Variants in GTF3C1 observed in about 807,000 individuals in gnomAD.
The protein encoded by GTF3C1 is general transcription factor 3C polypeptide 1.
GTF3C1 carries 57 observed loss-of-function variants against 226.7 expected under a neutral mutation model. The observed-to-expected ratio is 0.25, with a 90% CI of 0.20 to 0.31. GTF3C1 has a LOEUF of 0.31. Ranked by LOEUF, GTF3C1 falls within the 10% of genes least tolerant of loss-of-function variation. The probability of loss-of-function intolerance (pLI) is 1.00; values close to 1 mark genes in which losing one functional copy is unlikely to be tolerated. For missense variants in GTF3C1, 2,217 were observed against 2,776.1 expected, an observed-to-expected ratio of 0.80 and a Z score of 4.53; for synonymous variants, 1,090 against 1,084.8, an observed-to-expected ratio of 1.00 and a Z score of -0.09.
Position 27,493,321 on chromosome 16 carries a change from G to T in GTF3C1, c.2779-25C>A, listed in dbSNP as rs374660044. ...CCTGAAGAGGTGATGTGCAGGTTCAGCTCGCCCTGAGGGCCAGGGCGACCT... is the reference window on the plus strand; with the variant it reads ...CCTGAAGAGGTGATGTGCAGGTTCATCTCGCCCTGAGGGCCAGGGCGACCT... On this transcript the variant is annotated intron_variant, in intron 16 of 36. Coordinates refer to ENST00000356183, the MANE Select transcript of GTF3C1 (RefSeq NM_001520.4). The T allele has an allele frequency of 2.4e-5, 31 of 1,267,586 alleles. No homozygotes were observed. The African/African-American group carries it at 4.1e-4, about 17-fold the overall frequency. 78.5% of individuals were successfully genotyped at this position (1,267,586 alleles called of 1,614,324 possible).
intron 6 of GTF3C1, among the ~76,000 whole-genome samples, chr16:27,524,737 TTTAA>T (rs1180194112): frequency 6.6e-6 from 1 of 152,250 alleles, no homozygotes; most frequent in Non-Finnish European, 1.5e-5. Context: ...TTCTCTTTAC[TTTAA>T]ATATAAATTA....
At position 27,533,275 on chromosome 16, in the gene GTF3C1, G is replaced by T. The variant is rs1175132177; in HGVS notation, c.849+16C>A. 33 of 1,414,778 alleles carry T rather than the reference G, an allele frequency of 2.3e-5. No individual in the cohort carries two copies. The highest frequency in any genetic ancestry group is 3.2e-5 in the Non-Finnish European group (32 of 998,154). 87.6% of individuals were successfully genotyped at this position (1,414,778 alleles called of 1,614,324 possible). A position where few individuals can be genotyped will look rare whatever the true frequency, so the allele number is the denominator to read the frequency against. On this transcript the variant is annotated intron_variant, in intron 5 of 36. Coordinates refer to ENST00000356183, the MANE Select transcript of GTF3C1 (RefSeq NM_001520.4). ...AGATCACACCCAGCCCCGCCCGTGGGAAACCCCAGGCTCACCAGCTCTTCC... is the reference window on the plus strand; with the variant it reads ...AGATCACACCCAGCCCCGCCCGTGGTAAACCCCAGGCTCACCAGCTCTTCC...
At position 27,492,776 on chromosome 16, in the gene GTF3C1, T is replaced by C. The variant is rs2088252625; in HGVS notation, c.2877-63A>G. 1.1e-6 allele frequency: 1 copy of C among 921,822 alleles called. No individual in the cohort carries two copies. The highest frequency in any genetic ancestry group is 1.3e-5 in the South Asian group (1 of 77,338). The allele number at this position is 921,822 out of a possible 1,614,324, so 57.1% of individuals were successfully genotyped here. On this transcript the variant is annotated intron_variant, in intron 17 of 36. Transcript: ENST00000356183. This position sits in a 1 kb window ranked among gnomAD's most constrained non-coding sequence, Gnocchi z 5.0. ...ACACTCGCAGCCGGCCGCAGGGGTCTGCATGTGGGGTGAGGGGTGCGACTT... is the reference window on the plus strand; with the variant it reads ...ACACTCGCAGCCGGCCGCAGGGGTCCGCATGTGGGGTGAGGGGTGCGACTT...
At position 27,469,196 on chromosome 16, in the gene GTF3C1, G is replaced by C. The variant is rs369496882; in HGVS notation, c.5074+95C>G. The stretch of plus-strand genomic sequence containing the variant: ...GTTCTGTGGCTGCACGCCTGGCCTG[G>C]GGAGCCTGAAGGTCTAGGTCCCAGG... On this transcript the variant is annotated intron_variant, in intron 32 of 36. Transcript: ENST00000356183. This position sits in a 1 kb window ranked among gnomAD's most constrained non-coding sequence, Gnocchi z 4.5. 5 of 1,289,632 alleles carry C rather than the reference G, an allele frequency of 3.9e-6. No individual in the cohort carries two copies. The highest frequency in any genetic ancestry group is 5.2e-6 in the Non-Finnish European group (5 of 952,770). The allele number at this position is 1,289,632 out of a possible 1,614,324, so 79.9% of individuals were successfully genotyped here.
At chr16:27,528,786 C>T (rs1004518299) in intron 5 of GTF3C1, 65 bp from the exon 6 acceptor site, 1 of 1,458,782 alleles carries the variant, frequency 6.9e-7, no homozygotes. Flanking sequence ...ACTAGAAAGT[C>T]ATATAAATGA....
At chr16:27,473,099 G>C (rs770676900) in intron 29 of GTF3C1, among the ~76,000 whole-genome samples, 1 of 152,084 alleles carries the variant, frequency 6.6e-6, no homozygotes, top group Non-Finnish European at 1.5e-5. Context: ...TGTAGAGATG[G>C]GTTTTTCACC....
At chr16:27,480,150 G>A (rs968360142) in intron 27 of GTF3C1, among the ~76,000 whole-genome samples, 24 of 148,480 alleles carry the variant, frequency 1.6e-4, no homozygotes, top group Middle Eastern at 3.6e-3. Context: ...GCAGTGAGCC[G>A]AGAGTGTGCC....
chr16:27,514,195 A>G (rs1271005983), intron 6 of GTF3C1, among the ~76,000 whole-genome samples: 4 of 152,232 alleles, frequency 2.6e-5, no homozygotes, highest in Non-Finnish European at 5.9e-5. Context: ...ATGGCTTTTC[A>G]TTAGAGGCAA....
At chr16:27,498,061 A>C (rs1318641988) in intron 13 of GTF3C1, among the ~76,000 whole-genome samples, 1 of 152,222 alleles carries the variant, frequency 6.6e-6, no homozygotes, top group Non-Finnish European at 1.5e-5. Context: ...CTTGTGAGAA[A>C]GGGAACCCAA....
Position 27,489,168 on chromosome 16 carries a change from CACG to C in GTF3C1, c.3301_3303del (p.Arg1101del). On this transcript the variant is annotated inframe_deletion, in exon 21 of 37. Transcript: ENST00000356183. ...GGGATCAAGCCTTCATCCACCACCTCACGGCTTCCACTAAAAGACAGGAAATCA... is the reference window on the plus strand; with the variant it reads ...GGGATCAAGCCTTCATCCACCACCTCGCTTCCACTAAAAGACAGGAAATCA... 1 of 1,614,152 alleles carries C rather than the reference CACG, an allele frequency of 6.2e-7. No individual in the cohort carries two copies. The highest frequency in any genetic ancestry group is 8.5e-7 in the Non-Finnish European group (1 of 1,180,010).
At chr16:27,530,084 A>G (rs1196919618) in intron 5 of GTF3C1, among the ~76,000 whole-genome samples, 1 of 152,130 alleles carries the variant, frequency 6.6e-6, no homozygotes, top group Non-Finnish European at 1.5e-5. Flanking sequence ...CGTGACTGAG[A>G]GCTGTTCACT....
chr16:27,488,773 C>T (rs2088183798), intron 21 of GTF3C1, 138 bp from the exon 22 acceptor site: 2 of 733,028 alleles, frequency 2.7e-6, no homozygotes, highest in African/African-American at 1.8e-5. Context: ...AGTCTCCTGC[C>T]ACCCGCTTTA....
chr16:27,496,018 T>C (rs565967774), intron 14 of GTF3C1, among the ~76,000 whole-genome samples: 7 of 152,194 alleles, frequency 4.6e-5, no homozygotes, highest in Non-Finnish European at 1.0e-4. Context: ...GTGCTGGTGG[T>C]GGGGCCAGGT....
chr16:27,540,267 G>A (rs191875746), intron 2 of GTF3C1, among the ~76,000 whole-genome samples: 6 of 152,314 alleles, frequency 3.9e-5, no homozygotes, highest in South Asian at 2.1e-4. Flanking sequence ...CATATAGTGC[G>A]TCTTCAAAAA....
At chr16:27,528,742 G>T in intron 5 of GTF3C1, 21 bp from the exon 6 acceptor site, 1 of 1,610,648 alleles carries the variant, frequency 6.2e-7, no homozygotes, top group Non-Finnish European at 8.5e-7. Flanking sequence ...ACAATTTAAA[G>T]GCTACTATTA....
At chr16:27,538,145 T>G (rs773219941) in intron 3 of GTF3C1, 35 bp downstream of exon 3, 1 of 1,441,684 alleles carries the variant, frequency 6.9e-7, no homozygotes, top group South Asian at 1.3e-5. Flanking sequence ...CAATGACATA[T>G]AATTTAAAGC....
intron 2 of GTF3C1, among the ~76,000 whole-genome samples, chr16:27,542,978 G>C (rs2089110565): frequency 6.6e-6 from 1 of 152,238 alleles, no homozygotes; most frequent in African/African-American, 2.4e-5. Flanking sequence ...AGGCAGGTTT[G>C]GGTTGAAGGA....
intron 27 of GTF3C1, among the ~76,000 whole-genome samples, chr16:27,479,518 A>G (rs1336930802): frequency 1.3e-5 from 2 of 152,260 alleles, no homozygotes; most frequent in Non-Finnish European, 2.9e-5. Flanking sequence ...TAGTGCCAAG[A>G]AAAAGAAACT....
chr16:27,513,024 C>T (rs1197857452), intron 6 of GTF3C1, among the ~76,000 whole-genome samples: 1 of 152,216 alleles, frequency 6.6e-6, no homozygotes, highest in Non-Finnish European at 1.5e-5. Flanking sequence ...TGTTGCCTTC[C>T]ATGGCCAAAG....
Sources: gnomAD v4.1 joint callset for allele counts (sites outside exome capture counted in the v4.1 genomes callset) on GRCh38, gnomAD v4.1.1 for gene constraint, Gnocchi (gnomAD v3.1) non-coding constraint, MANE v1.5 for transcripts, NCBI Gene and HGNC (gene_info 2026-07-23, HGNC 2026-07-21) for gene names.